Variants in PTPRD observed in about 807,000 individuals in gnomAD.
PTPRD encodes the protein protein tyrosine phosphatase receptor type D.
PTPRD carries 34 observed loss-of-function variants against 214.5 expected under a neutral mutation model. The ratio of observed to expected loss-of-function variants is 0.16; its 90% CI spans 0.12 to 0.21. The LOEUF (loss-of-function observed/expected upper bound fraction) is 0.21. Among genes scored for constraint, PTPRD ranks in the 10% least tolerant of loss-of-function variants. PTPRD has a pLI of 1.00. For missense variants in PTPRD, 2,545 were observed against 2,398.7 expected (o/e 1.06, Z -1.27); for synonymous variants, 1,128 against 845.7 (o/e 1.33, Z -5.79).
chr9:8,599,713 T>G (rs1564627673), intron 14 of PTPRD, among the ~76,000 whole-genome samples: 1 of 149,108 alleles, frequency 6.7e-6, no homozygotes, highest in Non-Finnish European at 1.5e-5. Flanking sequence ...GCCTCCTGGG[T>G]TGAAGCGATT....
At chr9:8,495,110 G>A (rs1057195003) in intron 26 of PTPRD, among the ~76,000 whole-genome samples, 2 of 152,072 alleles carry the variant, frequency 1.3e-5, no homozygotes, top group African/African-American at 2.4e-5. Flanking sequence ...ATTTCCAGCT[G>A]TGACTTCCAA....
intron 11 of PTPRD, among the ~76,000 whole-genome samples, chr9:8,784,401 T>C (rs1323461185): frequency 6.6e-6 from 1 of 152,250 alleles, no homozygotes; most frequent in East Asian, 1.9e-4. Flanking sequence ...TAAAGGCAGA[T>C]ATTTTCATTG....
In PTPRD at chr9:8,504,308, C is replaced by T. The variant is rs1563902484; in HGVS notation, c.1775G>A (p.Gly592Asp). Residue 592 changes from glycine (G) to aspartate (D), a missense_variant, in exon 23 of 46, where the codon GGC becomes GAC. Transcript: ENST00000381196. Reference protein sequence around the residue: ...YFRLAARSPQGLGASTAEISA... With the variant: ...YFRLAARSPQDLGASTAEISA... Reference sequence around the variant, plus strand: ...TATTTCTGCAGTAGAAGCACCCAGGCCTTGAGGGGAGCGTGCAGCCAGACG... The same window carrying T: ...TATTTCTGCAGTAGAAGCACCCAGGTCTTGAGGGGAGCGTGCAGCCAGACG... The T allele has an allele frequency of 1.2e-6, 2 of 1,614,126 alleles. No homozygotes were observed. Among genetic ancestry groups the T allele is most frequent in the Non-Finnish European group, 1.7e-6 (2 of 1,180,006 alleles).
chr9:9,117,013 G>A (rs769066516), intron 10 of PTPRD, among the ~76,000 whole-genome samples: 8 of 152,178 alleles, frequency 5.3e-5, no homozygotes, highest in South Asian at 2.1e-4. Flanking sequence ...GGAGAAGAGC[G>A]TGAGATGGGA....
intron 11 of PTPRD, among the ~76,000 whole-genome samples, chr9:8,903,676 TAGTA>T (rs1395562206): frequency 6.6e-6 from 1 of 152,252 alleles, no homozygotes; most frequent in Admixed American, 6.5e-5. Flanking sequence ...TAATGAATTA[TAGTA>T]AGTAATTATC....
Position 9,956,841 on chromosome 9 carries a change from T to G in PTPRD, c.-471-18231A>C, listed in dbSNP as rs564830248. On this transcript the variant is annotated intron_variant, in intron 4 of 45. Coordinates refer to ENST00000381196, the MANE Select transcript of PTPRD (RefSeq NM_002839.4). ...ATAACTGAATCTTCTCCACATAAAA[T>G]AGAAAGCACATAAAATGTATGAATA... is the stretch of plus-strand genomic sequence containing the variant. Among the ~76,000 whole-genome samples, 26 of 152,144 alleles carry G rather than the reference T, an allele frequency of 1.7e-4. No individual in the cohort carries two copies. In the East Asian group the frequency reaches 4.6e-3, roughly 27 times the overall value.
At chr9:8,747,885 C>A (rs1259296330) in intron 11 of PTPRD, among the ~76,000 whole-genome samples, 1 of 152,162 alleles carries the variant, frequency 6.6e-6, no homozygotes, top group Admixed American at 6.5e-5. Context: ...TAATCCCCTG[C>A]ACTGCAGGCC....
intron 5 of PTPRD, among the ~76,000 whole-genome samples, chr9:9,907,440 A>C (rs755441783): frequency 6.6e-6 from 1 of 151,886 alleles, no homozygotes; most frequent in African/African-American, 2.4e-5. Context: ...GTTTCTCATG[A>C]GGCCTCCCTT....
chr9:9,222,367 T>C (rs1447401683), intron 9 of PTPRD, among the ~76,000 whole-genome samples: 2 of 152,042 alleles, frequency 1.3e-5, no homozygotes, highest in Non-Finnish European at 2.9e-5. Flanking sequence ...ATTTTTGAAA[T>C]AAATAGCACT....
intron 14 of PTPRD, among the ~76,000 whole-genome samples, chr9:8,576,653 CAT>C (rs1308382353): frequency 8.9e-6 from 1 of 112,990 alleles, no homozygotes; most frequent in Non-Finnish European, 1.8e-5. Flanking sequence ...AAAAAAAATC[CAT>C]ATTTGCATAT....
intron 9 of PTPRD, among the ~76,000 whole-genome samples, chr9:9,336,929 A>T (rs537528698): frequency 2.0e-5 from 3 of 152,330 alleles, no homozygotes; most frequent in East Asian, 3.9e-4. Context: ...GACAGAATAT[A>T]TATAACAGCT....
intron 7 of PTPRD, among the ~76,000 whole-genome samples, chr9:9,579,637 T>A (rs1184039739): frequency 6.6e-6 from 1 of 152,090 alleles, no homozygotes; most frequent in Non-Finnish European, 1.5e-5. Context: ...CCTCCCTGTA[T>A]GTTCAGCTAC....
In PTPRD at chr9:10,409,967, T is replaced by A. The variant is rs2098417069; in HGVS notation, c.-599-68950A>T. Among the ~76,000 whole-genome samples, 5 of 151,786 alleles carry A rather than the reference T, an allele frequency of 3.3e-5. No homozygotes were observed. In the South Asian group the frequency reaches 1.0e-3, roughly 31 times the overall value. ...ACAAGAAACCCTGAGCCAGAAGTGT[T>A]CAAATTAGCAGCTCCCAAATTCCTG... is the stretch of plus-strand genomic sequence containing the variant. On this transcript the variant is annotated intron_variant, in intron 2 of 45. Coordinates refer to ENST00000381196, the MANE Select transcript of PTPRD (RefSeq NM_002839.4).
chr9:10,193,395 A>G (rs1432708889), intron 3 of PTPRD, among the ~76,000 whole-genome samples: 1 of 152,044 alleles, frequency 6.6e-6, no homozygotes. Context: ...AAGGAGATAG[A>G]GTAGGATCTA....
At chr9:10,003,141 A>G (rs1166916670) in intron 4 of PTPRD, among the ~76,000 whole-genome samples, 2 of 151,874 alleles carry the variant, frequency 1.3e-5, no homozygotes, top group Non-Finnish European at 2.9e-5. Flanking sequence ...CAAGGGACAT[A>G]AGAAATGAGT....
chr9:8,347,747 G>A (rs1251339183), intron 39 of PTPRD, among the ~76,000 whole-genome samples: 2 of 152,152 alleles, frequency 1.3e-5, no homozygotes, highest in Non-Finnish European at 2.9e-5. Flanking sequence ...CTTGTAAGAG[G>A]AAGAGACACC....
chr9:10,456,387 G>A (rs1382393791), intron 2 of PTPRD, among the ~76,000 whole-genome samples: 3 of 151,880 alleles, frequency 2.0e-5, no homozygotes, highest in African/African-American at 7.2e-5. Context: ...GCATGATGGT[G>A]TTGGTTAGCA....
chr9:10,234,525 A>G (rs1323824447), intron 3 of PTPRD, among the ~76,000 whole-genome samples: 1 of 151,972 alleles, frequency 6.6e-6, no homozygotes. Flanking sequence ...GGTATATGGA[A>G]TTATCAAAGC....
chr9:9,088,189 T>G (rs2099770171), intron 10 of PTPRD, among the ~76,000 whole-genome samples: 1 of 151,588 alleles, frequency 6.6e-6, no homozygotes, highest in Non-Finnish European at 1.5e-5. Context: ...GCCAGAGCCC[T>G]AAACTTTTGA....
Sources: gnomAD v4.1 joint callset for allele counts (sites outside exome capture counted in the v4.1 genomes callset) on GRCh38, gnomAD v4.1.1 for gene constraint, MANE v1.5 for transcripts, NCBI Gene and HGNC (gene_info 2026-07-23, HGNC 2026-07-21) for gene names.